Variants in SHISA9 observed in about 807,000 individuals in gnomAD.
SHISA9 encodes protein shisa-9.
In SHISA9, 13 loss-of-function variants were observed where a neutral mutation model predicts 38.0. The ratio of observed to expected loss-of-function variants is 0.34; its 90% CI spans 0.22 to 0.54. SHISA9 has a LOEUF of 0.54. Ranked by LOEUF, SHISA9 falls within the 20% of genes least tolerant of loss-of-function variation. The pLI is 0.91. For synonymous variants in SHISA9, 275 were observed against 242.0 expected, an observed-to-expected ratio of 1.14 and a Z score of -1.27; for missense variants, 538 against 575.8, an observed-to-expected ratio of 0.93 and a Z score of 0.67.
At chr16:13,020,053 G>T (rs2141864901) in intron 2 of SHISA9, among the ~76,000 whole-genome samples, 1 of 127,414 alleles carries the variant, frequency 7.8e-6, no homozygotes, top group Non-Finnish European at 1.6e-5. Flanking sequence ...TTTTGACAGA[G>T]TCTTGCTGTG....
At chr16:13,515,295 A>C in the SHISA9 span, among the ~76,000 whole-genome samples, 1 of 152,184 alleles carries the variant, frequency 6.6e-6, no homozygotes, top group East Asian at 1.9e-4. Context: ...ATAAATGTTA[A>C]AGGAATTTCC....
intron 2 of SHISA9, among the ~76,000 whole-genome samples, chr16:13,079,739 T>C (rs1209776624): frequency 1.3e-5 from 2 of 152,204 alleles, no homozygotes; most frequent in African/African-American, 4.8e-5. Context: ...ATTACTCGGG[T>C]TCCTTGACAA....
At chr16:12,929,851 AG>A (rs1234947876) in intron 2 of SHISA9, among the ~76,000 whole-genome samples, 1 of 152,182 alleles carries the variant, frequency 6.6e-6, no homozygotes, top group Non-Finnish European at 1.5e-5. Flanking sequence ...CTTCCACTTC[AG>A]GGGTTTTACA....
intron 2 of SHISA9, among the ~76,000 whole-genome samples, chr16:12,919,179 T>C (rs1327728766): frequency 1.3e-5 from 2 of 149,648 alleles, no homozygotes; most frequent in African/African-American, 4.9e-5. Context: ...TTTTGATTGA[T>C]AGCAAAGTAG....
Position 13,237,369 on chromosome 16 carries a change from A to T in SHISA9, c.*1960A>T, listed in dbSNP as rs1241559384. The T allele has an allele frequency of 6.6e-6, 1 of 152,158 alleles. No homozygotes were observed. Among genetic ancestry groups the T allele is most frequent in the African/African-American group, 2.4e-5 (1 of 41,442 alleles). 9.4% of individuals were successfully genotyped at this position (152,158 alleles called of 1,614,324 possible). A position where few individuals can be genotyped will look rare whatever the true frequency, so the allele number is the denominator to read the frequency against. ...GCAAAACCTCTACCTGTTTTTAAAA[A>T]TGAGATCTTTTGACCAGGCACAGTG... On this transcript the variant is annotated 3_prime_UTR_variant, in exon 5 of 5. Coordinates refer to ENST00000558583, the MANE Select transcript of SHISA9 (RefSeq NM_001145204.3).
chr16:13,338,437 T>C, the SHISA9 span, among the ~76,000 whole-genome samples: 1 of 152,174 alleles, frequency 6.6e-6, no homozygotes, highest in Admixed American at 6.5e-5. Context: ...CTGCTGATAT[T>C]TGAAGTGGCT....
the SHISA9 span, among the ~76,000 whole-genome samples, chr16:13,432,813 A>G: frequency 6.6e-6 from 1 of 152,206 alleles, no homozygotes; most frequent in East Asian, 1.9e-4. Context: ...CTAACACAGG[A>G]ACAAGAAAAC....
At chr16:12,923,010 T>A (rs2071347049) in intron 2 of SHISA9, among the ~76,000 whole-genome samples, 2 of 149,780 alleles carry the variant, frequency 1.3e-5, no homozygotes, top group Non-Finnish European at 3.0e-5. Context: ...TTTATTTTTG[T>A]AGAAATGGGT....
downstream of SHISA9, among the ~76,000 whole-genome samples, chr16:13,242,654 C>G (rs2051443790): frequency 6.6e-6 from 1 of 152,212 alleles, no homozygotes; most frequent in Non-Finnish European, 1.5e-5. Flanking sequence ...TGCCTTGAAA[C>G]TATCCTTTCC....
At chr16:13,040,171 C>G (rs767736791) in intron 2 of SHISA9, among the ~76,000 whole-genome samples, 3 of 152,206 alleles carry the variant, frequency 2.0e-5, no homozygotes, top group Non-Finnish European at 4.4e-5. Flanking sequence ...CCACTCCACT[C>G]AAACCATCCA....
intron 2 of SHISA9, among the ~76,000 whole-genome samples, chr16:13,160,167 A>G (rs1458637669): frequency 6.6e-6 from 1 of 152,168 alleles, no homozygotes; most frequent in Non-Finnish European, 1.5e-5. Context: ...TCCAGGTGGA[A>G]GGAATCACAG....
the SHISA9 span, among the ~76,000 whole-genome samples, chr16:13,363,650 G>C: frequency 6.6e-6 from 1 of 152,184 alleles, no homozygotes; most frequent in Non-Finnish European, 1.5e-5. Flanking sequence ...GCAGGGATAT[G>C]GGATCATGAA....
intron 2 of SHISA9, among the ~76,000 whole-genome samples, chr16:13,072,805 C>T (rs956685118): frequency 2.0e-5 from 3 of 151,998 alleles, no homozygotes; most frequent in Non-Finnish European, 4.4e-5. Flanking sequence ...AGATTACAGG[C>T]GCCTGCCACC....
rs986726005 is a variant in SHISA9 at position 12,932,090 on chromosome 16, C to A, written c.691+15275C>A. Among the ~76,000 whole-genome samples the A allele has an allele frequency of 2.0e-5, 3 of 152,252 alleles. No homozygotes were observed. The South Asian group carries it at 6.2e-4, about 32-fold the overall frequency. ...CTTGCCTGCCACCATGTAAGATGTA[C>A]CTTTGCTCCTCCTTCGCCTTCTGCC... is the stretch of plus-strand genomic sequence containing the variant. On this transcript the variant is annotated intron_variant, in intron 2 of 4. Transcript: ENST00000558583.
chr16:13,315,624 C>G, the SHISA9 span, among the ~76,000 whole-genome samples: 9 of 152,194 alleles, frequency 5.9e-5, no homozygotes, highest in African/African-American at 2.2e-4. Flanking sequence ...TTTATTTTCT[C>G]ATCTGTAAAA....
At chr16:13,364,040 G>A in the SHISA9 span, among the ~76,000 whole-genome samples, 21 of 152,306 alleles carry the variant, frequency 1.4e-4, no homozygotes, top group South Asian at 1.0e-3. Flanking sequence ...ACTGATCTGA[G>A]GGATGGAGCT....
the SHISA9 span, among the ~76,000 whole-genome samples, chr16:13,526,340 T>C: frequency 7.2e-5 from 11 of 152,160 alleles, no homozygotes; most frequent in Admixed American, 4.6e-4. Flanking sequence ...TTTAGCCTCA[T>C]GTCTTCTTGG....
At chr16:13,250,851 G>C in the SHISA9 span, among the ~76,000 whole-genome samples, 1 of 152,202 alleles carries the variant, frequency 6.6e-6, no homozygotes, top group African/African-American at 2.4e-5. Context: ...TGTATAATGT[G>C]GTACTTCTCA....
the SHISA9 span, among the ~76,000 whole-genome samples, chr16:13,456,393 TCCA>T: frequency 1.3e-5 from 2 of 152,184 alleles, no homozygotes; most frequent in Non-Finnish European, 2.9e-5. Context: ...TGTTTTTTCC[TCCA>T]CCATTTATTT....
Sources: gnomAD v4.1 joint callset for allele counts (sites outside exome capture counted in the v4.1 genomes callset) on GRCh38, gnomAD v4.1.1 for gene constraint, MANE v1.5 for transcripts, NCBI Gene and HGNC (gene_info 2026-07-23, HGNC 2026-07-21) for gene names.